PPP3CC: variants seen among roughly 807,000 people sequenced by gnomAD.
The protein encoded by PPP3CC is serine/threonine-protein phosphatase 2B catalytic subunit gamma isoform.
A neutral mutation model predicts 60.3 loss-of-function variants in PPP3CC; 35 were observed. The ratio of observed to expected loss-of-function variants is 0.58; its 90% CI spans 0.44 to 0.77. PPP3CC has a LOEUF of 0.77. PPP3CC is among the 30% of genes least tolerant of loss of function. The pLI is 0.00. For synonymous variants in PPP3CC, 206 were observed against 224.3 expected (o/e 0.92, Z 0.73); for missense variants, 570 against 628.9 (o/e 0.91, Z 1.00).
chr8:22,507,741 T>G (rs1459655200), intron 4 of PPP3CC, among the ~76,000 whole-genome samples: 1 of 152,192 alleles, frequency 6.6e-6, no homozygotes, highest in Non-Finnish European at 1.5e-5. Context: ...ATCTACTGTT[T>G]AGGGTGTTAT....
At chr8:22,536,995 C>T (rs1839858793) in intron 12 of PPP3CC, among the ~76,000 whole-genome samples, 1 of 152,126 alleles carries the variant, frequency 6.6e-6, no homozygotes, top group South Asian at 2.1e-4. Context: ...CTCTAAGCAT[C>T]CCAGTAGCCA....
chr8:22,514,886 C>T (rs1419732176), intron 6 of PPP3CC, among the ~76,000 whole-genome samples: 1 of 151,956 alleles, frequency 6.6e-6, no homozygotes, highest in African/African-American at 2.4e-5. Context: ...CCATGTTGGC[C>T]AGGCTAGTTT....
intron 6 of PPP3CC, among the ~76,000 whole-genome samples, chr8:22,519,740 T>C (rs1839354000): frequency 1.3e-5 from 2 of 152,190 alleles, no homozygotes; most frequent in African/African-American, 4.8e-5. Context: ...CTGCAGCCTC[T>C]GCCTCCCGGG....
intron 1 of PPP3CC, among the ~76,000 whole-genome samples, chr8:22,442,182 T>G (rs1394950903): frequency 6.6e-6 from 1 of 152,216 alleles, no homozygotes; most frequent in African/African-American, 2.4e-5. Context: ...CCCTTTAAAC[T>G]AAGAAGATGG....
chr8:22,537,030 G>A (rs1481294972), intron 12 of PPP3CC, among the ~76,000 whole-genome samples: 1 of 152,074 alleles, frequency 6.6e-6, no homozygotes, highest in African/African-American at 2.4e-5. Context: ...GCCAAGGACA[G>A]GACAAGATTC....
chr8:22,445,610 A>G (rs1245757408), intron 1 of PPP3CC, among the ~76,000 whole-genome samples: 1 of 152,208 alleles, frequency 6.6e-6, no homozygotes, highest in Non-Finnish European at 1.5e-5. Flanking sequence ...TTTTACCTAA[A>G]TATTTCCATA....
intron 10 of PPP3CC, 146 bp from the exon 11 acceptor site, chr8:22,532,079 T>C (rs1378620562): frequency 1.8e-6 from 1 of 541,914 alleles, no homozygotes; most frequent in Admixed American, 3.8e-5. Context: ...CTTCCTGAGA[T>C]TTTTGTTTGT....
intron 1 of PPP3CC, among the ~76,000 whole-genome samples, chr8:22,444,904 T>G (rs1318179091): frequency 1.3e-5 from 2 of 152,226 alleles, no homozygotes; most frequent in Non-Finnish European, 2.9e-5. Flanking sequence ...ACATGTTTTT[T>G]CTTTGACAGT....
At chr8:22,539,372 G>A (rs1839911119) in intron 12 of PPP3CC, 97 bp from the exon 13 acceptor site, 11 of 1,293,498 alleles carry the variant, frequency 8.5e-6, no homozygotes, top group South Asian at 1.3e-5. Context: ...GCTAAAAAAC[G>A]GGCCCCTGGG....
intron 3 of PPP3CC, among the ~76,000 whole-genome samples, chr8:22,495,529 G>GT (rs985796679): frequency 8.6e-5 from 13 of 151,866 alleles, no homozygotes; most frequent in African/African-American, 3.1e-4. Context: ...TGGCCAAATT[G>GT]TTTTTTTACT....
intron 12 of PPP3CC, 92 bp from the exon 13 acceptor site, chr8:22,539,377 C>T (rs925612726): frequency 2.1e-6 from 3 of 1,398,114 alleles, no homozygotes; most frequent in South Asian, 1.3e-5. Context: ...AAAACGGGCC[C>T]CTGGGATGGC....
At position 22,474,940 on chromosome 8, in the gene PPP3CC, T is replaced by C. The variant is rs577458190; in HGVS notation, c.50-14T>C. 5 of 1,443,582 alleles carry C rather than the reference T, an allele frequency of 3.5e-6. No individual in the cohort carries two copies. Among genetic ancestry groups the C allele is most frequent in the Non-Finnish European group, 4.6e-6 (5 of 1,078,756 alleles). The allele number at this position is 1,443,582 out of a possible 1,614,324, so 89.4% of individuals were successfully genotyped here. A position where few individuals can be genotyped will look rare whatever the true frequency, so the allele number is the denominator to read the frequency against. The stretch of plus-strand genomic sequence containing the variant: ...ATTTAAATATTTTAAATTATTATTA[T>C]TATTTTTTTGTAGCTGTCCCCTTTC... On this transcript the variant is annotated splice_polypyrimidine_tract_variant and intron_variant, in intron 1 of 13. Coordinates refer to ENST00000240139, the MANE Select transcript of PPP3CC (RefSeq NM_005605.5).
intron 5 of PPP3CC, among the ~76,000 whole-genome samples, chr8:22,511,531 A>C (rs562281330): frequency 6.6e-6 from 1 of 152,224 alleles, no homozygotes; most frequent in South Asian, 2.1e-4. Flanking sequence ...TGGCCTCCCA[A>C]AGTGCTGGGA....
At chr8:22,498,737 C>G (rs976349284) in intron 4 of PPP3CC, among the ~76,000 whole-genome samples, 2 of 152,262 alleles carry the variant, frequency 1.3e-5, no homozygotes, top group African/African-American at 4.8e-5. Flanking sequence ...AACACACAAT[C>G]ATATATGTAG....
chr8:22,525,035 T>C (rs769021178), intron 8 of PPP3CC, among the ~76,000 whole-genome samples: 2 of 152,046 alleles, frequency 1.3e-5, no homozygotes, highest in Non-Finnish European at 2.9e-5. Flanking sequence ...CCTATAGTCC[T>C]AGCTACTCAG....
chr8:22,507,859 A>G lies in PPP3CC; in HGVS notation c.485-3227A>G, dbSNP rs78906130. Among the ~76,000 whole-genome samples the G allele has an allele frequency of 9.0e-3, 1,378 of 152,284 alleles. 19 individuals are homozygous for G. Among genetic ancestry groups the G allele is most frequent in the African/African-American group, 0.031 (1,293 of 41,558 alleles). Reference sequence around the variant, plus strand: ...GGGCTGCAGTTCTTCAAATCAGGCAACAAGTTCCAGACTCCATTCTCTTCA... The same window carrying G: ...GGGCTGCAGTTCTTCAAATCAGGCAGCAAGTTCCAGACTCCATTCTCTTCA... On this transcript the variant is annotated intron_variant, in intron 4 of 13. Coordinates refer to ENST00000240139, the MANE Select transcript of PPP3CC (RefSeq NM_005605.5).
chr8:22,443,254 G>A (rs940581486), intron 1 of PPP3CC, among the ~76,000 whole-genome samples: 5 of 152,130 alleles, frequency 3.3e-5, no homozygotes, highest in African/African-American at 1.2e-4. Flanking sequence ...CAGGCATGGT[G>A]GCTCACGCCT....
chr8:22,520,820 C>T (rs1003535274), intron 6 of PPP3CC, among the ~76,000 whole-genome samples: 6 of 152,160 alleles, frequency 3.9e-5, no homozygotes, highest in African/African-American at 1.4e-4. Context: ...GGGCCAGTTA[C>T]TAGAGGTTTA....
At chr8:22,463,097 T>G (rs1011682949) in intron 1 of PPP3CC, among the ~76,000 whole-genome samples, 1 of 152,194 alleles carries the variant, frequency 6.6e-6, no homozygotes, top group Non-Finnish European at 1.5e-5. Context: ...TAAGGAAAAG[T>G]TATCTGTTAG....
Sources: gnomAD v4.1 joint callset for allele counts (sites outside exome capture counted in the v4.1 genomes callset) on GRCh38, gnomAD v4.1.1 for gene constraint, MANE v1.5 for transcripts, NCBI Gene and HGNC (gene_info 2026-07-23, HGNC 2026-07-21) for gene names.